The following GGT7 variants were observed in gnomAD, a reference collection of about 807,000 sequenced individuals.
GGT7 encodes the protein glutathione hydrolase 7.
In GGT7, 30 loss-of-function variants were observed where a neutral mutation model predicts 69.2. The ratio of observed to expected loss-of-function variants is 0.43; its 90% CI spans 0.32 to 0.59. GGT7 has a LOEUF of 0.59. Ranked by LOEUF, GGT7 falls within the 20% of genes least tolerant of loss-of-function variation. The pLI is 0.05. For synonymous variants in GGT7, 388 were observed against 391.8 expected (o/e 0.99, Z 0.12); for missense variants, 733 against 901.1 (o/e 0.81, Z 2.39).
chr20:34,858,277 T>C (rs536307254), intron 7 of GGT7, among the ~76,000 whole-genome samples: 2 of 152,094 alleles, frequency 1.3e-5, no homozygotes, highest in South Asian at 2.1e-4. Flanking sequence ...CAAAGGAAAG[T>C]AGAGTTGAGA....
intron 8 of GGT7, among the ~76,000 whole-genome samples, chr20:34,855,814 T>A (rs73109059): frequency 3.8e-4 from 55 of 144,602 alleles, no homozygotes; most frequent in African/African-American, 7.2e-4. Flanking sequence ...TGTGTGTGTG[T>A]GATAATGGTC....
chr20:34,863,350 A>ACGGTGACAC lies in GGT7; in HGVS notation c.359_367dup (p.Gly120_Thr122dup), dbSNP rs2079631229. ...GAAGTAGATCTGCATGACCAGCGCCACGGTGACACCGGTAGCGAAGGTGAG... is the reference window on the plus strand; with the variant it reads ...GAAGTAGATCTGCATGACCAGCGCCACGGTGACACCGGTGACACCGGTAGCGAAGGTGAG... On this transcript the variant is annotated inframe_insertion, in exon 2 of 15. Transcript: ENST00000336431. This position sits in a 1 kb window ranked among gnomAD's most constrained non-coding sequence, Gnocchi z 4.4. 2 of 1,611,944 alleles carry ACGGTGACAC rather than the reference A, an allele frequency of 1.2e-6. No individual in the cohort carries two copies. Among genetic ancestry groups the ACGGTGACAC allele is most frequent in the African/African-American group, 2.7e-5 (2 of 74,090 alleles).
chr20:34,851,096 G>A, intron 13 of GGT7, 135 bp downstream of exon 13: 7 of 1,092,586 alleles, frequency 6.4e-6, no homozygotes, highest in South Asian at 2.6e-5. Flanking sequence ...CCCAGGATGC[G>A]CCTGGCACAA....
At position 34,872,829 on chromosome 20, in the gene GGT7, C is replaced by T. The variant is rs547350646; in HGVS notation, c.-14G>A. The T allele has an allele frequency of 6.0e-6, 8 of 1,335,658 alleles. No homozygotes were observed. In the South Asian group the frequency reaches 1.4e-4, roughly 23 times the overall value. 82.7% of individuals were successfully genotyped at this position (1,335,658 alleles called of 1,614,324 possible). ...CTCCGCCGCCATCCTCGCCCGCGCC[C>T]CCCAGCAGCGCAGCGCCTGCCGGAA... On this transcript the variant is annotated 5_prime_UTR_variant, in exon 1 of 15. Transcript: ENST00000336431.
In GGT7 at chr20:34,863,322, C is replaced by A; in HGVS notation, c.396G>T (p.Gly132=). The A allele has an allele frequency of 6.2e-7, 1 of 1,611,594 alleles. No homozygotes were observed. Among genetic ancestry groups the A allele is most frequent in the South Asian group, 1.1e-5 (1 of 90,948 alleles). The stretch of plus-strand genomic sequence containing the variant: ...CATTTGTCCCCCTCACCTGGGGGTC[C>A]CCGAAGTAGATCTGCATGACCAGCG... ...TVALVMQIYF[G]DPQIFQQGAV... is the part of the protein sequence containing the mutation. The change falls in exon 2 of 15, where the codon GGG becomes GGT. Residue 132 remains glycine (G), a synonymous_variant. Coordinates refer to ENST00000336431, the MANE Select transcript of GGT7 (RefSeq NM_178026.3). This position sits in a 1 kb window ranked among gnomAD's most constrained non-coding sequence, Gnocchi z 4.4.
In GGT7 at chr20:34,861,554, A is replaced by C; in HGVS notation, c.566T>G (p.Val189Gly). 6.8e-7 allele frequency: 1 copy of C among 1,481,296 alleles called. No individual in the cohort carries two copies. The highest frequency in any genetic ancestry group is 1.3e-5 in the South Asian group (1 of 74,694). 91.8% of individuals were successfully genotyped at this position (1,481,296 alleles called of 1,614,324 possible). A position where few individuals can be genotyped will look rare whatever the true frequency, so the allele number is the denominator to read the frequency against. ...PHSSGLGGGG[V>G]MLVHDIRRNE... ...TCGTCGGATGTCATGTACCAGCATC[A>C]CGCCCCCACTGGGAGAGACACAGAA... The change falls in exon 4 of 15, where the codon GTG (valine) becomes GGG (glycine). Residue 189 changes from valine (V) to glycine (G), a missense_variant. Physicochemically the swap from Val to Gly is moderately radical, Grantham distance 109. Coordinates refer to ENST00000336431, the MANE Select transcript of GGT7 (RefSeq NM_178026.3).
At position 34,849,061 on chromosome 20, in the gene GGT7, C is replaced by T. The variant is rs186799226; in HGVS notation, c.1825+900G>A. On this transcript the variant is annotated intron_variant, in intron 14 of 14. Coordinates refer to ENST00000336431, the MANE Select transcript of GGT7 (RefSeq NM_178026.3). Reference sequence around the variant, plus strand: ...GCTTACCTTGGTCTCCTTTTTAGTCCTCAAACTCACCAAACCCACTCCTGC... The same window carrying T: ...GCTTACCTTGGTCTCCTTTTTAGTCTTCAAACTCACCAAACCCACTCCTGC... Among the ~76,000 whole-genome samples the T allele has an allele frequency of 2.0e-5, 3 of 152,196 alleles. No homozygotes were observed. The East Asian group carries it at 5.8e-4, about 29-fold the overall frequency.
rs1288181569 is a variant in GGT7 at position 34,854,582 on chromosome 20, C to G, written c.1268G>C (p.Gly423Ala). 2 of 1,613,216 alleles carry G rather than the reference C, an allele frequency of 1.2e-6. No homozygotes were observed. The highest frequency in any genetic ancestry group is 2.2e-5 in the East Asian group (1 of 44,870). ...KIALALASRL[G>A]DPVYDSTITE... ...GATGGTAGAATCATAGACGGGATCT[C>G]CCAGTCTGCTGGCCAGGGCTAATGC... The change falls in exon 10 of 15, where the codon GGA becomes GCA. Residue 423 changes from glycine (G) to alanine (A), a missense_variant. Coordinates refer to ENST00000336431, the MANE Select transcript of GGT7 (RefSeq NM_178026.3).
At chr20:34,852,578 T>C (rs1423741017) in intron 10 of GGT7, 40 bp from the exon 11 acceptor site, 1 of 1,536,534 alleles carries the variant, frequency 6.5e-7, no homozygotes, top group East Asian at 2.3e-5. Flanking sequence ...AACAACAGGC[T>C]CTCAATACAC....
At chr20:34,860,636 CCTTT>C (rs2079577211) in intron 4 of GGT7, among the ~76,000 whole-genome samples, 1 of 99,658 alleles carries the variant, frequency 1.0e-5, no homozygotes, top group Non-Finnish European at 2.1e-5. Context: ...CCAACCCCTG[CCTTT>C]TTTTTTTTTT....
intron 14 of GGT7, among the ~76,000 whole-genome samples, chr20:34,849,524 T>C (rs2079355057): frequency 6.6e-6 from 1 of 152,148 alleles, no homozygotes; most frequent in Admixed American, 6.6e-5. Context: ...TCCTTGATCA[T>C]TGAGTCCGTC....
At chr20:34,869,415 G>T (rs913885841) in intron 1 of GGT7, among the ~76,000 whole-genome samples, 7 of 152,084 alleles carry the variant, frequency 4.6e-5, no homozygotes, top group Non-Finnish European at 8.8e-5. Flanking sequence ...CAAGCAATCT[G>T]CCCACCTTAG....
At chr20:34,861,126 G>A (rs760101035) in intron 4 of GGT7, among the ~76,000 whole-genome samples, 9 of 152,152 alleles carry the variant, frequency 5.9e-5, no homozygotes, top group Non-Finnish European at 1.2e-4. Context: ...CAAGGGCTGG[G>A]AAAGTTATAG....
rs563588128 is a variant in GGT7, at chr20:34,860,354, G to T, written c.676-33C>A. ...AGGCGGGTAGGCGAGGGAGAGAGGA[G>T]ACCAGGTCACTGGAAGGGGGGTGCT... On this transcript the variant is annotated intron_variant, in intron 4 of 14. Transcript: ENST00000336431. 3.9e-5 allele frequency: 61 copies of T among 1,555,978 alleles called. No individual in the cohort carries two copies. The East Asian group carries it at 1.3e-3, about 34-fold the overall frequency.
intron 7 of GGT7, 114 bp downstream of exon 7, chr20:34,859,329 A>T (rs1029405756): frequency 4.2e-6 from 3 of 712,070 alleles, no homozygotes; most frequent in South Asian, 2.3e-5. Flanking sequence ...ATCCACAGTA[A>T]ATAATATAGA....
At chr20:34,851,717 G>T (rs753471498) in intron 12 of GGT7, among the ~76,000 whole-genome samples, 6 of 152,150 alleles carry the variant, frequency 3.9e-5, no homozygotes, top group Admixed American at 3.9e-4. Context: ...CCCAGATGGC[G>T]GGGTGTAAGA....
At chr20:34,853,561 C>CAA (rs200997506) in intron 10 of GGT7, among the ~76,000 whole-genome samples, 48 of 112,486 alleles carry the variant, frequency 4.3e-4, no homozygotes, top group African/African-American at 1.2e-3. Context: ...GACTCCATCT[C>CAA]AAAAAAAAAA....
chr20:34,861,676 G>A, intron 3 of GGT7, 114 bp from the exon 4 acceptor site: 1 of 603,920 alleles, frequency 1.7e-6, no homozygotes, highest in Non-Finnish European at 2.6e-6. Flanking sequence ...TTTTCATTTG[G>A]GGTCAGGTGT....
At chr20:34,859,188 C>T (rs1287766993) in intron 7 of GGT7, among the ~76,000 whole-genome samples, 1 of 148,892 alleles carries the variant, frequency 6.7e-6, no homozygotes, top group Non-Finnish European at 1.5e-5. Context: ...AAAAAAAAGA[C>T]AACACTTCCA....
Sources: gnomAD v4.1 joint callset for allele counts (sites outside exome capture counted in the v4.1 genomes callset) on GRCh38, gnomAD v4.1.1 for gene constraint, Gnocchi (gnomAD v3.1) non-coding constraint, MANE v1.5 for transcripts, NCBI Gene and HGNC (gene_info 2026-07-23, HGNC 2026-07-21) for gene names.